SEMA4D: variants seen among roughly 807,000 people sequenced by gnomAD.
The protein encoded by SEMA4D is semaphorin 4D.
Under a neutral mutation model 74.8 loss-of-function variants are expected in SEMA4D, and 22 were observed. That is an observed-to-expected ratio of 0.29 (90% confidence interval 0.21 to 0.42). SEMA4D has a LOEUF of 0.42. SEMA4D is among the 10% of genes least tolerant of loss of function. SEMA4D has a pLI of 1.00. For missense variants in SEMA4D, 937 were observed against 1,118.4 expected (o/e 0.84, Z 2.31); for synonymous variants, 445 against 463.7 (o/e 0.96, Z 0.52).
chr9:89,485,355 T>C (rs1187037519), intron 1 of SEMA4D, among the ~76,000 whole-genome samples: 4 of 152,184 alleles, frequency 2.6e-5, no homozygotes, highest in Non-Finnish European at 4.4e-5. Flanking sequence ...GCTGCCCAGG[T>C]TATATCTGGA....
chr9:89,379,431 A>C lies in SEMA4D; in HGVS notation c.1862T>G (p.Val621Gly), dbSNP rs772990456. 2 of 1,613,984 alleles carry C rather than the reference A, an allele frequency of 1.2e-6. No individual in the cohort carries two copies. Among genetic ancestry groups the C allele is most frequent in the African/African-American group, 2.7e-5 (2 of 74,968 alleles). The change falls in exon 16 of 16, where the codon GTG becomes GGG. Residue 621 changes from valine (V) to glycine (G), a missense_variant. Transcript: ENST00000422704. ...IFNLSEGDSG[V>G]YQCLSEERVK... is the part of the protein sequence containing the mutation. ...CCTCTCCTCTGACAGGCACTGGTAC[A>C]CCCCACTGTCTCCTTCTGACAAGTT...
At chr9:89,467,208 C>T (rs916022597) in intron 1 of SEMA4D, among the ~76,000 whole-genome samples, 1 of 152,190 alleles carries the variant, frequency 6.6e-6, no homozygotes, top group Non-Finnish European at 1.5e-5. Flanking sequence ...TGTATGAGCA[C>T]GTGCCCACCC....
At chr9:89,398,610 C>G (rs1333635749) in intron 5 of SEMA4D, among the ~76,000 whole-genome samples, 1 of 152,184 alleles carries the variant, frequency 6.6e-6, no homozygotes, top group East Asian at 1.9e-4. Flanking sequence ...AGAAAAGGGG[C>G]CCACTGAGCT....
chr9:89,396,893 T>A, intron 5 of SEMA4D, 58 bp from the exon 6 acceptor site: 1 of 1,461,716 alleles, frequency 6.8e-7, no homozygotes, highest in Non-Finnish European at 9.4e-7. Flanking sequence ...CCTCCACTAT[T>A]CAAACTGCTC....
At chr9:89,362,787 G>A (rs1832897885) in intron 18 of SEMA4D, among the ~76,000 whole-genome samples, 1 of 152,114 alleles carries the variant, frequency 6.6e-6, no homozygotes, top group Non-Finnish European at 1.5e-5. Flanking sequence ...ACACTTTAAT[G>A]CACTCATTTG....
intron 1 of SEMA4D, among the ~76,000 whole-genome samples, chr9:89,496,309 C>G (rs987941539): frequency 1.3e-5 from 2 of 152,192 alleles, no homozygotes; most frequent in African/African-American, 4.8e-5. Flanking sequence ...GGCATGGCAG[C>G]TGGGGCTCTG....
chr9:89,392,143 C>T (rs1207848511), intron 8 of SEMA4D, among the ~76,000 whole-genome samples: 1 of 152,194 alleles, frequency 6.6e-6, no homozygotes, highest in East Asian at 1.9e-4. Flanking sequence ...AGTTTACCAT[C>T]TACTATCAGA....
chr9:89,362,506 A>G, intron 18 of SEMA4D: 1 of 1,613,106 alleles, frequency 6.2e-7, no homozygotes, highest in Non-Finnish European at 8.5e-7. Context: ...TCTGTCTCAT[A>G]GCCCATCCCA....
chr9:89,366,670 A>C (rs1481161546), intron 16 of SEMA4D, among the ~76,000 whole-genome samples: 2 of 152,278 alleles, frequency 1.3e-5, no homozygotes, highest in African/African-American at 4.8e-5. Flanking sequence ...CTAGGTGCCC[A>C]TCAACTGGGG....
rs948303818 is a variant in SEMA4D at position 89,378,629 on chromosome 9, G to A, written c.*75C>T. On this transcript the variant is annotated 3_prime_UTR_variant, in exon 16 of 16. Coordinates refer to ENST00000422704, the MANE Select transcript of SEMA4D (RefSeq NM_001371194.2). The stretch of plus-strand genomic sequence containing the variant: ...CAGCACTGCACGAGACTCGGATACT[G>A]AACAGGAGAAACACAAAACTCTCCA... 4.3e-6 allele frequency: 5 copies of A among 1,168,620 alleles called. No homozygotes were observed. Among genetic ancestry groups the A allele is most frequent in the South Asian group, 4.1e-5 (3 of 73,160 alleles). 72.4% of individuals were successfully genotyped at this position (1,168,620 alleles called of 1,614,324 possible).
intron 13 of SEMA4D, among the ~76,000 whole-genome samples, chr9:89,384,061 A>G (rs1181922395): frequency 2.6e-5 from 4 of 152,200 alleles, no homozygotes; most frequent in Non-Finnish European, 1.5e-5. Flanking sequence ...GCTGTAGCTC[A>G]GCATCCCAAG....
intron 11 of SEMA4D, 102 bp downstream of exon 11, chr9:89,388,534 G>C: frequency 7.1e-7 from 1 of 1,412,322 alleles, no homozygotes; most frequent in Middle Eastern, 2.5e-4. Context: ...GCCTTGGCGT[G>C]GCCAGGTACC....
At chr9:89,444,501 G>A (rs1435317060) in intron 2 of SEMA4D, among the ~76,000 whole-genome samples, 1 of 152,124 alleles carries the variant, frequency 6.6e-6, no homozygotes, top group African/African-American at 2.4e-5. Context: ...ATCCCCAGAC[G>A]GAACCCAGTT....
At chr9:89,470,689 A>G (rs1859949978) in intron 1 of SEMA4D, among the ~76,000 whole-genome samples, 2 of 152,220 alleles carry the variant, frequency 1.3e-5, no homozygotes, top group Admixed American at 1.3e-4. Flanking sequence ...GTTCTGTTCA[A>G]ACACACAATG....
intron 1 of SEMA4D, chr9:89,472,475 C>CT (rs1057376771): frequency 1.1e-5 from 3 of 262,836 alleles, no homozygotes; most frequent in Admixed American, 4.0e-5. Flanking sequence ...GAAGCACCCC[C>CT]CTTTTGTAAG....
At chr9:89,382,793 G>A (rs542155488) in intron 13 of SEMA4D, among the ~76,000 whole-genome samples, 4 of 152,328 alleles carry the variant, frequency 2.6e-5, no homozygotes, top group African/African-American at 2.4e-5. Context: ...GCGAGGTGGC[G>A]TGAACACCAT....
intron 2 of SEMA4D, among the ~76,000 whole-genome samples, chr9:89,406,098 C>A (rs1301943679): frequency 1.3e-5 from 2 of 152,182 alleles, no homozygotes; most frequent in Non-Finnish European, 2.9e-5. Flanking sequence ...AGAGACTCTG[C>A]CTTTGTAACG....
At chr9:89,418,475 C>T in intron 2 of SEMA4D, 1 of 929,238 alleles carries the variant, frequency 1.1e-6, no homozygotes, top group Non-Finnish European at 1.3e-6. Context: ...TGTCTATTAG[C>T]TCCAGATATG....
downstream of SEMA4D, chr9:89,377,066 G>T: frequency 6.6e-7 from 1 of 1,523,226 alleles, no homozygotes; most frequent in Admixed American, 2.0e-5. Flanking sequence ...GAGACAGAGA[G>T]GACAGAAAAG....
Sources: allele counts gnomAD v4.1 joint callset (sites outside exome capture counted in the v4.1 genomes callset), GRCh38; gene constraint gnomAD v4.1.1; transcripts MANE v1.5; gene names NCBI Gene and HGNC (gene_info 2026-07-23, HGNC 2026-07-21).